The following LONRF2 variants were observed in gnomAD, a reference collection of about 807,000 sequenced individuals.
The protein encoded by LONRF2 is LON peptidase N-terminal domain and ring finger 2, also known as LON peptidase N-terminal domain and RING finger protein 2.
In LONRF2, 35 loss-of-function variants were observed where a neutral mutation model predicts 66.6. That is an observed-to-expected ratio of 0.53 (90% CI 0.40 to 0.70). The LOEUF is 0.70. Ranked by LOEUF, LONRF2 falls within the 30% of genes least tolerant of loss-of-function variation. The pLI is 0.00. For missense variants in LONRF2, 902 were observed against 1,002.1 expected (o/e 0.90, Z 1.35); for synonymous variants, 417 against 418.1 (o/e 1.00, Z 0.03).
chr2:100,305,949 T>C (rs1675281282), intron 2 of LONRF2, among the ~76,000 whole-genome samples: 2 of 152,196 alleles, frequency 1.3e-5, no homozygotes, highest in African/African-American at 4.8e-5. Context: ...AGTGAAGTGG[T>C]GCCATCTCGG....
intron 2 of LONRF2, among the ~76,000 whole-genome samples, chr2:100,307,122 G>A (rs547878379): frequency 1.6e-4 from 24 of 152,120 alleles, no homozygotes; most frequent in Middle Eastern, 3.4e-3. Flanking sequence ...GGGTGTCACC[G>A]TGTTAGCCTG....
At chr2:100,290,783 GCA>G (rs932004020) in intron 9 of LONRF2, among the ~76,000 whole-genome samples, 1 of 152,106 alleles carries the variant, frequency 6.6e-6, no homozygotes, top group Non-Finnish European at 1.5e-5. Context: ...CTGGTGCCAC[GCA>G]CACACTCGGC....
rs1008319834 is a variant in LONRF2, at chr2:100,279,332, C to T, written c.*4966G>A. On this transcript the variant is annotated 3_prime_UTR_variant, in exon 12 of 12. Transcript: ENST00000393437. The stretch of plus-strand genomic sequence containing the variant: ...CAAGAAATGTTAGAGACCCCCCCCC[C>T]GCAAACTGCAGAACTACATTCTTGA... 9.1e-5 allele frequency: 13 copies of T among 143,574 alleles called. No homozygotes were observed. The highest frequency in any genetic ancestry group is 2.3e-4 in the South Asian group (1 of 4,280). The allele number at this position is 143,574 out of a possible 1,614,324, so 8.9% of individuals were successfully genotyped here.
At chr2:100,300,003 ATCTTTGG>A in intron 4 of LONRF2, 85 bp from the exon 5 acceptor site, 1 of 467,270 alleles carries the variant, frequency 2.1e-6, no homozygotes, top group Middle Eastern at 6.3e-4. Flanking sequence ...TGTACTAGAA[ATCTTTGG>A]AAAAAAAAAG....
chr2:100,290,302 C>A lies in LONRF2; in HGVS notation c.1876G>T (p.Asp626Tyr). 6.2e-7 allele frequency: 1 copy of A among 1,614,206 alleles called. No homozygotes were observed. The highest frequency in any genetic ancestry group is 8.5e-7 in the Non-Finnish European group (1 of 1,180,030). ...TCAATGTCCGCTGTGTTATAGCCAT[C>A]TCTGTGGCGGTGGCTTAGCACTCGG... is the stretch of plus-strand genomic sequence containing the variant. Reference protein sequence around the residue: ...RFRVLSHRHRDGYNTADIEYL... With the variant: ...RFRVLSHRHRYGYNTADIEYL... Residue 626 changes from aspartate (D) to tyrosine (Y), a missense_variant, in exon 10 of 12, where the codon GAT (aspartate) becomes TAT (tyrosine). By Grantham distance (160) the Asp-to-Tyr change is radical. Transcript: ENST00000393437.
rs116312776 is a variant in LONRF2, at chr2:100,300,815, T to A, written c.922-28A>T. On this transcript the variant is annotated intron_variant, in intron 3 of 11. Transcript: ENST00000393437. Reference sequence around the variant, plus strand: ...ATAAAATTGCCAAGAAAAGAAAAAATATATATTTTAAAACACTTTTGTAAA... The same window carrying A: ...ATAAAATTGCCAAGAAAAGAAAAAAAATATATTTTAAAACACTTTTGTAAA... 5,650 of 1,527,478 alleles carry A rather than the reference T, an allele frequency of 3.7e-3. 153 individuals are homozygous for A. The African/African-American group carries it at 0.067, about 18-fold the overall frequency. 94.6% of individuals were successfully genotyped at this position (1,527,478 alleles called of 1,614,324 possible).
intron 9 of LONRF2, among the ~76,000 whole-genome samples, chr2:100,290,941 T>C (rs983089148): frequency 6.6e-6 from 1 of 152,218 alleles, no homozygotes; most frequent in Non-Finnish European, 1.5e-5. Flanking sequence ...TAAAATTTGA[T>C]TCATCAAAAG....
intron 10 of LONRF2, among the ~76,000 whole-genome samples, chr2:100,288,678 C>T (rs1674895283): frequency 6.6e-6 from 1 of 152,206 alleles, no homozygotes; most frequent in Non-Finnish European, 1.5e-5. Context: ...TGTCCCCAGA[C>T]TCTAGTTTTG....
At chr2:100,300,861 T>TG in intron 3 of LONRF2, 74 bp from the exon 4 acceptor site, 1 of 1,215,568 alleles carries the variant, frequency 8.2e-7, no homozygotes, top group Non-Finnish European at 1.1e-6. Flanking sequence ...GTCTTATAGA[T>TG]TCAGAGGAAA....
At chr2:100,302,172 G>C (rs1353900674) in intron 3 of LONRF2, among the ~76,000 whole-genome samples, 1 of 152,186 alleles carries the variant, frequency 6.6e-6, no homozygotes, top group Admixed American at 6.5e-5. Context: ...ATCCAGAAGA[G>C]GAAATCTTAG....
At chr2:100,304,659 G>T (rs1675255253) in intron 2 of LONRF2, among the ~76,000 whole-genome samples, 1 of 131,212 alleles carries the variant, frequency 7.6e-6, no homozygotes, top group Non-Finnish European at 1.5e-5. Context: ...AGTCTTGCTC[G>T]CTCGTCCAGG....
intron 2 of LONRF2, among the ~76,000 whole-genome samples, chr2:100,304,475 T>G (rs1675248545): frequency 6.6e-6 from 1 of 152,140 alleles, no homozygotes; most frequent in South Asian, 2.1e-4. Context: ...CATCTCCCTG[T>G]TGAGATTGCT....
intron 9 of LONRF2, among the ~76,000 whole-genome samples, chr2:100,293,654 G>A (rs997377098): frequency 1.3e-5 from 2 of 152,234 alleles, no homozygotes; most frequent in Admixed American, 6.5e-5. Context: ...GAGGGGAGGT[G>A]AAAACCAAGC....
At chr2:100,307,012 C>T (rs1044064169) in intron 2 of LONRF2, among the ~76,000 whole-genome samples, 1 of 151,480 alleles carries the variant, frequency 6.6e-6, no homozygotes, top group African/African-American at 2.4e-5. Flanking sequence ...CCTCCGCCTC[C>T]CGGGTTGACG....
chr2:100,318,806 T>A (rs1675563364), intron 1 of LONRF2, among the ~76,000 whole-genome samples: 1 of 142,642 alleles, frequency 7.0e-6, no homozygotes, highest in Non-Finnish European at 1.5e-5. Flanking sequence ...CAGTCCAGCC[T>A]GGGTGACAGA....
chr2:100,277,079 T>G lies in LONRF2; in HGVS notation c.*7219A>C, dbSNP rs562747463. ...TTTTACTTAATCTTCTTGCTGCTGC[T>G]TACAAATCAGCTTGCTTTAAATGGG... On this transcript the variant is annotated 3_prime_UTR_variant, in exon 12 of 12. Coordinates refer to ENST00000393437, the MANE Select transcript of LONRF2 (RefSeq NM_198461.4). The G allele has an allele frequency of 1.9e-3, 289 of 152,342 alleles. 2 individuals are homozygous for G. Among genetic ancestry groups the G allele is most frequent in the Non-Finnish European group, 2.9e-3 (198 of 68,034 alleles). 9.4% of individuals were successfully genotyped at this position (152,342 alleles called of 1,614,324 possible). A position where few individuals can be genotyped will look rare whatever the true frequency, so the allele number is the denominator to read the frequency against.
At position 100,283,579 on chromosome 2, in the gene LONRF2, A is replaced by C. The variant is rs1674782726; in HGVS notation, c.*719T>G. On this transcript the variant is annotated 3_prime_UTR_variant, in exon 12 of 12. Coordinates refer to ENST00000393437, the MANE Select transcript of LONRF2 (RefSeq NM_198461.4). ...TTAACTCACTTTATTGTGTGTAAAT[A>C]TATATATATATATCCTCAAGTGAAT... 6.6e-6 allele frequency: 1 copy of C among 151,276 alleles called. No homozygotes were observed. The highest frequency in any genetic ancestry group is 2.4e-5 in the African/African-American group (1 of 41,192). The allele number at this position is 151,276 out of a possible 1,614,324, so 9.4% of individuals were successfully genotyped here. A position where few individuals can be genotyped will look rare whatever the true frequency, so the allele number is the denominator to read the frequency against.
rs1054330591 is a variant in LONRF2, at chr2:100,274,147, C to T, written c.*10151G>A. ...TCAAAGGTCACATGCGCCAACCAGCCGAGACTCATGACAGTAAACTTCCTC... is the reference window on the plus strand; with the variant it reads ...TCAAAGGTCACATGCGCCAACCAGCTGAGACTCATGACAGTAAACTTCCTC... On this transcript the variant is annotated 3_prime_UTR_variant, in exon 12 of 12. Transcript: ENST00000393437. 7 of 152,202 alleles carry T rather than the reference C, an allele frequency of 4.6e-5. No homozygotes were observed. The highest frequency in any genetic ancestry group is 2.0e-4 in the Admixed American group (3 of 15,274). The allele number at this position is 152,202 out of a possible 1,614,324, so 9.4% of individuals were successfully genotyped here.
In LONRF2 at chr2:100,321,581, G is replaced by GGGCCCTGGCTCCACGCA; in HGVS notation, c.496_512dup (p.Arg173TrpfsTer13). 6.5e-7 allele frequency: 1 copy of GGGCCCTGGCTCCACGCA among 1,531,120 alleles called. No individual in the cohort carries two copies. Among genetic ancestry groups the GGGCCCTGGCTCCACGCA allele is most frequent in the Non-Finnish European group, 8.7e-7 (1 of 1,151,324 alleles). 94.8% of individuals were successfully genotyped at this position (1,531,120 alleles called of 1,614,324 possible). On this transcript the variant is annotated frameshift_variant, in exon 1 of 12. Transcript: ENST00000393437. LOFTEE classifies it high-confidence loss of function. Reference sequence around the variant, plus strand: ...TCACGCGCCGCACCTGCGGCCGCGCGGGCCCTGGCTCCACGCAGCGCTTGC... The same window carrying GGGCCCTGGCTCCACGCA: ...TCACGCGCCGCACCTGCGGCCGCGCGGGCCCTGGCTCCACGCAGGCCCTGGCTCCACGCAGCGCTTGC...
Sources: allele counts gnomAD v4.1 joint callset (sites outside exome capture counted in the v4.1 genomes callset), GRCh38; gene constraint gnomAD v4.1.1; transcripts MANE v1.5; gene names NCBI Gene and HGNC (gene_info 2026-07-23, HGNC 2026-07-21).